ALDH1A3: variants seen among roughly 807,000 people sequenced by gnomAD.
ALDH1A3 encodes the protein aldehyde dehydrogenase 1 family member A3.
In ALDH1A3, 28 loss-of-function variants were observed where a neutral mutation model predicts 57.5. The observed-to-expected ratio is 0.49, with a 90% confidence interval of 0.36 to 0.67. ALDH1A3 has a LOEUF of 0.67. ALDH1A3 is among the 30% of genes least tolerant of loss of function. The pLI, the probability that ALDH1A3 is intolerant of heterozygous loss-of-function variation, is 0.00. For missense variants in ALDH1A3, 507 were observed against 669.4 expected, an observed-to-expected ratio of 0.76 and a Z score of 2.68; for synonymous variants, 281 against 264.8, an observed-to-expected ratio of 1.06 and a Z score of -0.59.
At chr15:100,886,038 G>A (rs1191757237) in intron 2 of ALDH1A3, among the ~76,000 whole-genome samples, 1 of 152,216 alleles carries the variant, frequency 6.6e-6, no homozygotes, top group Non-Finnish European at 1.5e-5. Flanking sequence ...CTGAGGGCAG[G>A]GAGATGTAAA....
In ALDH1A3 at chr15:100,893,149, C is replaced by G; in HGVS notation, c.537+143C>G. Reference sequence around the variant, plus strand: ...TTTCTTCGTGGCATGGAACTCCATGCTTGGGGGCTCTTGAGATGGATTAGA... The same window carrying G: ...TTTCTTCGTGGCATGGAACTCCATGGTTGGGGGCTCTTGAGATGGATTAGA... On this transcript the variant is annotated intron_variant, in intron 5 of 12. Coordinates refer to ENST00000329841, the MANE Select transcript of ALDH1A3 (RefSeq NM_000693.4). The surrounding 1 kb of genome is among the most constrained non-coding windows in gnomAD (Gnocchi z 4.8). 1 of 685,494 alleles carries G rather than the reference C, an allele frequency of 1.5e-6. No homozygotes were observed. The highest frequency in any genetic ancestry group is 2.4e-6 in the Non-Finnish European group (1 of 420,296). The allele number at this position is 685,494 out of a possible 1,614,324, so 42.5% of individuals were successfully genotyped here.
At chr15:100,892,187 G>T in intron 3 of ALDH1A3, 1 of 309,350 alleles carries the variant, frequency 3.2e-6, no homozygotes, top group South Asian at 3.3e-5. Flanking sequence ...TGGAAGATCA[G>T]ATGCCAGTGT....
intron 4 of ALDH1A3, 109 bp downstream of exon 4, chr15:100,892,748 C>T: frequency 2.1e-6 from 3 of 1,456,838 alleles, no homozygotes; most frequent in Admixed American, 4.5e-5. Context: ...CCCAACCCCA[C>T]TCCCTCTCCA....
chr15:100,905,812 G>A, intron 10 of ALDH1A3, 125 bp downstream of exon 10: 1 of 1,067,742 alleles, frequency 9.4e-7, no homozygotes, highest in South Asian at 1.8e-5. Flanking sequence ...TGCTGTTGTT[G>A]TCGTTGTTGT....
intron 7 of ALDH1A3, 107 bp from the exon 8 acceptor site, chr15:100,897,976 G>C: frequency 1.3e-5 from 13 of 1,008,980 alleles, no homozygotes; most frequent in Non-Finnish European, 2.0e-5. Flanking sequence ...CGAGAGCCAG[G>C]TGGTGGCACT....
chr15:100,902,325 C>G (rs1249206412), intron 9 of ALDH1A3, among the ~76,000 whole-genome samples: 1 of 152,228 alleles, frequency 6.6e-6, no homozygotes, highest in East Asian at 1.9e-4. Flanking sequence ...TGAAAGCTCA[C>G]TAAAGCCGTC....
At position 100,894,885 on chromosome 15, in the gene ALDH1A3, T is replaced by C. The variant is rs2041683689; in HGVS notation, c.666+803T>C. 1 of 152,152 alleles carries C rather than the reference T, an allele frequency of 6.6e-6. No individual in the cohort carries two copies. The highest frequency in any genetic ancestry group is 1.5e-5 in the Non-Finnish European group (1 of 68,046). The allele number at this position is 152,152 out of a possible 1,614,324, so 9.4% of individuals were successfully genotyped here. On this transcript the variant is annotated intron_variant, in intron 6 of 12. Transcript: ENST00000329841. The surrounding 1 kb of genome is among the most constrained non-coding windows in gnomAD (Gnocchi z 4.5). ...ACTGTTAAGAAACAGTGCCTAAAAA[T>C]CTAAAGACTCAAGCAGCGTGCCTAA...
chr15:100,914,964 G>C lies in ALDH1A3; in HGVS notation c.*191G>C. On this transcript the variant is annotated 3_prime_UTR_variant, in exon 13 of 13. Transcript: ENST00000329841. ...ATTCACCAGACTGGGGATGCCTATA[G>C]GTTGTCTGTGAAATCGCAGTCCTGC... 3.3e-6 allele frequency: 2 copies of C among 599,120 alleles called. No individual in the cohort carries two copies. Among genetic ancestry groups the C allele is most frequent in the Non-Finnish European group, 5.8e-6 (2 of 342,196 alleles). 37.1% of individuals were successfully genotyped at this position (599,120 alleles called of 1,614,324 possible). A position where few individuals can be genotyped will look rare whatever the true frequency, so the allele number is the denominator to read the frequency against.
chr15:100,912,745 A>C (rs536734009), intron 12 of ALDH1A3, among the ~76,000 whole-genome samples: 1 of 152,316 alleles, frequency 6.6e-6, no homozygotes, highest in East Asian at 1.9e-4. Flanking sequence ...TGGTTTTCCT[A>C]TTTGATAGTT....
intron 12 of ALDH1A3, chr15:100,914,415 T>G (rs2041910761): frequency 4.0e-6 from 1 of 251,792 alleles, no homozygotes; most frequent in Non-Finnish European, 7.6e-6. Flanking sequence ...ACCTCTTTAC[T>G]TTTTTTAAAA....
chr15:100,882,660 T>C (rs995674535), intron 1 of ALDH1A3, among the ~76,000 whole-genome samples: 4 of 152,200 alleles, frequency 2.6e-5, no homozygotes, highest in Admixed American at 6.5e-5. Flanking sequence ...CTGTTCCTTT[T>C]GTAAAATGTG....
intron 7 of ALDH1A3, among the ~76,000 whole-genome samples, chr15:100,897,321 A>G (rs982792455): frequency 1.3e-5 from 2 of 151,726 alleles, no homozygotes; most frequent in African/African-American, 4.8e-5. Context: ...CCGTGTCTGC[A>G]CTGGTCTCTG....
intron 3 of ALDH1A3, 52 bp from the exon 4 acceptor site, chr15:100,892,458 T>C: frequency 6.2e-7 from 1 of 1,609,972 alleles, no homozygotes; most frequent in Non-Finnish European, 8.5e-7. Flanking sequence ...AACCTGACAG[T>C]GCAAAAGAAA....
rs1041121944 is a variant in ALDH1A3, at chr15:100,887,804, C to A, written c.345+92C>A. On this transcript the variant is annotated intron_variant, in intron 3 of 12. Coordinates refer to ENST00000329841, the MANE Select transcript of ALDH1A3 (RefSeq NM_000693.4). The surrounding 1 kb of genome is among the most constrained non-coding windows in gnomAD (Gnocchi z 4.6). ...GGGTATGGGAAAAAAGATCACGGTC[C>A]TGGTTTTGTGTGGTCGTGGGTCTGT... 6.9e-7 allele frequency: 1 copy of A among 1,449,436 alleles called. No homozygotes were observed. Among genetic ancestry groups the A allele is most frequent in the Non-Finnish European group, 9.1e-7 (1 of 1,094,028 alleles). The allele number at this position is 1,449,436 out of a possible 1,614,324, so 89.8% of individuals were successfully genotyped here.
In ALDH1A3 at chr15:100,894,038, C is replaced by G. The variant is rs1279770496; in HGVS notation, c.622C>G (p.Gln208Glu). 1.9e-6 allele frequency: 3 copies of G among 1,614,214 alleles called. No homozygotes were observed. Among genetic ancestry groups the G allele is most frequent in the Middle Eastern group, 1.6e-4 (1 of 6,062 alleles). Residue 208 changes from glutamine (Q) to glutamate (E), a missense_variant, in exon 6 of 13, where the codon CAG (glutamine) becomes GAG (glutamate). By Grantham distance (29) the Gln-to-Glu change is conservative (BLOSUM62 2). Around this residue, in one of 2 missense-constraint regions of ALDH1A3, gnomAD observed 432 missense variants for 608.4 expected, o/e 0.71. Coordinates refer to ENST00000329841, the MANE Select transcript of ALDH1A3 (RefSeq NM_000693.4). The surrounding 1 kb of genome is among the most constrained non-coding windows in gnomAD (Gnocchi z 4.5). ...GNTMVLKPAE[Q>E]TPLTALYLGS... ...CACCATGGTCCTGAAGCCTGCGGAG[C>G]AGACACCTCTCACCGCCCTTTATCT...
rs573473646 is a variant in ALDH1A3, at chr15:100,893,070, T to C, written c.537+64T>C. ...TCCTGCCCCACTGCCCTGTGTCCTT[T>C]GGAATCAATTTCTGGTGTGTTTTTA... On this transcript the variant is annotated intron_variant, in intron 5 of 12. Transcript: ENST00000329841. This position sits in a 1 kb window ranked among gnomAD's most constrained non-coding sequence, Gnocchi z 4.8. 55 of 1,439,890 alleles carry C rather than the reference T, an allele frequency of 3.8e-5. No homozygotes were observed. In the South Asian group the frequency reaches 6.2e-4, roughly 16 times the overall value. The allele number at this position is 1,439,890 out of a possible 1,614,324, so 89.2% of individuals were successfully genotyped here.
chr15:100,892,433 A>G lies in ALDH1A3; in HGVS notation c.346-77A>G, dbSNP rs577964714. 4.3e-5 allele frequency: 69 copies of G among 1,598,232 alleles called. No individual in the cohort carries two copies. The African/African-American group carries it at 6.4e-4, about 15-fold the overall frequency. ...GTCCTAGGACTGTGTTCTCTCCCCAACTTCCATCTTTAACAACCTGACAGT... is the reference window on the plus strand; with the variant it reads ...GTCCTAGGACTGTGTTCTCTCCCCAGCTTCCATCTTTAACAACCTGACAGT... On this transcript the variant is annotated intron_variant, in intron 3 of 12. Transcript: ENST00000329841.
intron 9 of ALDH1A3, among the ~76,000 whole-genome samples, chr15:100,904,698 C>T (rs188865397): frequency 3.7e-4 from 56 of 152,292 alleles, no homozygotes; most frequent in African/African-American, 1.2e-3. Context: ...CAAAAGGGTG[C>T]GCTTTTGACA....
chr15:100,892,733 C>A (rs1350224835), intron 4 of ALDH1A3, 94 bp downstream of exon 4: 3 of 1,490,674 alleles, frequency 2.0e-6, no homozygotes, highest in South Asian at 1.3e-5. Context: ...CCCTAAGGCA[C>A]CATTCCCAAC....
Sources: gnomAD v4.1 joint callset for allele counts (sites outside exome capture counted in the v4.1 genomes callset) on GRCh38, gnomAD v4.1.1 for gene constraint, gnomAD v4.1.1 regional missense constraint, Gnocchi (gnomAD v3.1) non-coding constraint, MANE v1.5 for transcripts, NCBI Gene and HGNC (gene_info 2026-07-23, HGNC 2026-07-21) for gene names.